The following WDPCP variants were observed in gnomAD, a reference collection of about 807,000 sequenced individuals.
The protein encoded by WDPCP is WD repeat-containing and planar cell polarity effector protein fritz homolog.
In WDPCP, 71 loss-of-function variants were observed where a neutral mutation model predicts 93.1. The ratio of observed to expected loss-of-function variants is 0.76; its 90% CI spans 0.63 to 0.93. The LOEUF (loss-of-function observed/expected upper bound fraction) is 0.93. WDPCP is among the 40% of genes least tolerant of loss of function. The pLI is 0.00. For synonymous variants in WDPCP, 315 were observed against 315.0 expected (o/e 1.00, Z 0.00); for missense variants, 844 against 887.4 (o/e 0.95, Z 0.62).
At chr2:63,214,090 G>C (rs1435439253) in intron 14 of WDPCP, among the ~76,000 whole-genome samples, 1 of 152,138 alleles carries the variant, frequency 6.6e-6, no homozygotes, top group Non-Finnish European at 1.5e-5. Flanking sequence ...CCAGTCAATA[G>C]AAAAAGAGGA....
At chr2:63,251,471 T>C (rs1006378007) in intron 14 of WDPCP, among the ~76,000 whole-genome samples, 7 of 136,766 alleles carry the variant, frequency 5.1e-5, no homozygotes, top group Admixed American at 2.2e-4. Context: ...ATTCAATCAA[T>C]AATAAAAAGC....
At chr2:63,745,630 G>A (rs550856464) in intron 2 of WDPCP, among the ~76,000 whole-genome samples, 3 of 122,942 alleles carry the variant, frequency 2.4e-5, no homozygotes, top group Non-Finnish European at 3.5e-5. Flanking sequence ...AATCATATGC[G>A]CATGCACGCA....
At position 63,550,214 on chromosome 2, in the gene WDPCP, CA is replaced by C. The variant is rs1168109889; in HGVS notation, c.75+37982del. Reference sequence around the variant, plus strand: ...AGAAACACACACACACACACACACACACACACACACACACACACACACACAC... The same window carrying C: ...AGAAACACACACACACACACACACACCACACACACACACACACACACACAC... On this transcript the variant is annotated intron_variant, in intron 1 of 17. Coordinates refer to ENST00000272321, the MANE Select transcript of WDPCP (RefSeq NM_015910.7). 1.8e-4 allele frequency among the ~76,000 whole-genome samples: 28 copies of C among 151,416 alleles called. 2 individuals carry two copies. Among genetic ancestry groups the C allele is most frequent in the African/African-American group, 5.3e-4 (22 of 41,202 alleles).
At chr2:63,816,026 G>A (rs2104106730) in intron 1 of WDPCP, among the ~76,000 whole-genome samples, 1 of 151,936 alleles carries the variant, frequency 6.6e-6, no homozygotes. Flanking sequence ...TCTGTATCTT[G>A]TCTCTTGGCA....
At chr2:63,368,200 C>A (rs2104743131) in intron 12 of WDPCP, among the ~76,000 whole-genome samples, 1 of 152,146 alleles carries the variant, frequency 6.6e-6, no homozygotes, top group Non-Finnish European at 1.5e-5. Context: ...CTTGTCTCCT[C>A]TAGGAGACAG....
At chr2:63,150,485 C>T (rs975954676) in intron 17 of WDPCP, among the ~76,000 whole-genome samples, 2 of 152,138 alleles carry the variant, frequency 1.3e-5, no homozygotes, top group African/African-American at 2.4e-5. Context: ...ATGTCAATAG[C>T]GCTAAGGTTC....
Position 63,131,393 on chromosome 2 carries a change from C to T in WDPCP, c.2191-9337G>A, listed in dbSNP as rs747020417. On this transcript the variant is annotated intron_variant, in intron 17 of 17. Transcript: ENST00000272321. ...TTCTTGGTGGCTAGCATTGTGATTA[C>T]GTAACACATTTCAAATTTATGCAAT... 9.2e-5 allele frequency among the ~76,000 whole-genome samples: 14 copies of T among 151,894 alleles called. No individual in the cohort carries two copies. The East Asian group carries it at 9.6e-4, about 10-fold the overall frequency.
intron 13 of WDPCP, among the ~76,000 whole-genome samples, chr2:63,303,577 G>A (rs1035798087): frequency 3.9e-5 from 6 of 152,174 alleles, no homozygotes; most frequent in Admixed American, 1.3e-4. Flanking sequence ...GATATCATCA[G>A]TATAATGGAA....
At chr2:63,643,575 A>G in intron 3 of WDPCP, 1 of 432,152 alleles carries the variant, frequency 2.3e-6, no homozygotes, top group South Asian at 1.9e-5. Context: ...TGAATCTGTT[A>G]CTCACCTTGA....
At chr2:63,427,465 T>C (rs899683234) in intron 9 of WDPCP, among the ~76,000 whole-genome samples, 10 of 152,118 alleles carry the variant, frequency 6.6e-5, no homozygotes, top group African/African-American at 2.4e-4. Flanking sequence ...ACATGGAAAT[T>C]AAACAACTTA....
chr2:63,800,382 G>A (rs971370199), intron 2 of WDPCP, among the ~76,000 whole-genome samples: 1 of 152,132 alleles, frequency 6.6e-6, no homozygotes, highest in African/African-American at 2.4e-5. Flanking sequence ...CTATTATGAT[G>A]TCACATAAGA....
rs779305894 is a variant in WDPCP, at chr2:63,597,421, A to C, written n.488+53238T>G. 24 of 1,445,886 alleles carry C rather than the reference A, an allele frequency of 1.7e-5. No homozygotes were observed. Among genetic ancestry groups the C allele is most frequent in the Non-Finnish European group, 2.1e-5 (23 of 1,088,490 alleles). The allele number at this position is 1,445,886 out of a possible 1,614,324, so 89.6% of individuals were successfully genotyped here. Reference sequence around the variant, plus strand: ...CAGATGTCATCGCAACAGATAAAGAAGACGTTGCCTTCAAAGACCTGGATG... The same window carrying C: ...CAGATGTCATCGCAACAGATAAAGACGACGTTGCCTTCAAAGACCTGGATG... On this transcript the variant is annotated intron_variant and non_coding_transcript_variant, in intron 3 of 4. Coordinates refer to the WDPCP transcript ENST00000467687.
chr2:63,172,116 G>A (rs1673437646), intron 15 of WDPCP, among the ~76,000 whole-genome samples: 1 of 152,162 alleles, frequency 6.6e-6, no homozygotes, highest in South Asian at 2.1e-4. Context: ...TGTGGTGATG[G>A]TCATACAGCT....
intron 2 of WDPCP, among the ~76,000 whole-genome samples, chr2:63,793,189 AT>A (rs1203577312): frequency 6.6e-6 from 1 of 152,208 alleles, no homozygotes; most frequent in African/African-American, 2.4e-5. Flanking sequence ...AGGCACATTT[AT>A]AGCACACTAT....
chr2:63,136,242 A>T (rs898853826), intron 17 of WDPCP, among the ~76,000 whole-genome samples: 1 of 152,130 alleles, frequency 6.6e-6, no homozygotes, highest in Non-Finnish European at 1.5e-5. Flanking sequence ...TTATAATCTC[A>T]TGAAGCCTAG....
chr2:63,566,771 A>G (rs1023483906), intron 1 of WDPCP, among the ~76,000 whole-genome samples: 1 of 152,196 alleles, frequency 6.6e-6, no homozygotes, highest in African/African-American at 2.4e-5. Context: ...GACTGTCCTC[A>G]CTTCAGATAT....
intron 6 of WDPCP, chr2:63,441,807 C>G (rs899810782): frequency 6.6e-6 from 1 of 152,054 alleles, no homozygotes; most frequent in Non-Finnish European, 1.5e-5. Flanking sequence ...ATTTAAAGAT[C>G]CTTCATTCAT....
In WDPCP at chr2:63,487,488, T is replaced by A; in HGVS notation, c.167A>T (p.Asp56Val). 1 of 1,593,258 alleles carries A rather than the reference T, an allele frequency of 6.3e-7. No individual in the cohort carries two copies. Among genetic ancestry groups the A allele is most frequent in the Non-Finnish European group, 8.6e-7 (1 of 1,162,302 alleles). The change falls in exon 3 of 18, where the codon GAC becomes GTC. Residue 56 changes from aspartate to valine, a missense_variant. By Grantham distance (152) the Asp-to-Val change is radical (BLOSUM62 -3). Coordinates refer to ENST00000272321, the MANE Select transcript of WDPCP (RefSeq NM_015910.7). ...LKNTLHIADR[D>V]IGIYQYYDKK... is the part of the protein sequence containing the mutation. Reference sequence around the variant, plus strand: ...GTCATAATACTGGTAGATCCCAATGTCTCTATCTATAGAAAGGAAGAAATA... The same window carrying A: ...GTCATAATACTGGTAGATCCCAATGACTCTATCTATAGAAAGGAAGAAATA...
intron 15 of WDPCP, among the ~76,000 whole-genome samples, chr2:63,154,012 G>T (rs974821423): frequency 1.8e-4 from 27 of 151,652 alleles, no homozygotes; most frequent in African/African-American, 6.5e-4. Flanking sequence ...CATAGAAAAA[G>T]AATAATATAA....
Sources: gnomAD v4.1 joint callset for allele counts (sites outside exome capture counted in the v4.1 genomes callset) on GRCh38, gnomAD v4.1.1 for gene constraint, MANE v1.5 for transcripts, NCBI Gene and HGNC (gene_info 2026-07-23, HGNC 2026-07-21) for gene names.